CCDC7: variants seen among roughly 807,000 people sequenced by gnomAD.
CCDC7 encodes the protein coiled-coil domain-containing protein 7.
Under a neutral mutation model 196.9 loss-of-function variants are expected in CCDC7, and 183 were observed. That is an observed-to-expected ratio of 0.93 (90% CI 0.82 to 1.05). The LOEUF is 1.05. Among genes scored for constraint, CCDC7 ranks in the 50% least tolerant of loss-of-function variants. The probability of loss-of-function intolerance (pLI) is 0.00; values close to 1 mark genes in which losing one functional copy is unlikely to be tolerated. For synonymous variants in CCDC7, 525 were observed against 484.6 expected (o/e 1.08, Z -1.10); for missense variants, 1,540 against 1,482.2 (o/e 1.04, Z -0.64).
chr10:32,709,412 A>G (rs1420510203), intron 24 of CCDC7, among the ~76,000 whole-genome samples: 1 of 152,166 alleles, frequency 6.6e-6, no homozygotes, highest in African/African-American at 2.4e-5. Flanking sequence ...TGGCACATGT[A>G]TACATATGTA....
chr10:32,815,007 A>G (rs1484070251), intron 31 of CCDC7, among the ~76,000 whole-genome samples: 4 of 152,140 alleles, frequency 2.6e-5, no homozygotes, highest in Non-Finnish European at 5.9e-5. Context: ...TGTAGAGGAA[A>G]GAGACTTTAG....
chr10:32,473,892 CAAT>C, intron 7 of CCDC7, 72 bp from the exon 9 acceptor site: 1 of 1,329,514 alleles, frequency 7.5e-7, no homozygotes, highest in Admixed American at 2.7e-5. Flanking sequence ...AAAATTAAAA[CAAT>C]AAAATTTAAA....
At chr10:32,590,277 A>G (rs2059663491) in intron 18 of CCDC7, among the ~76,000 whole-genome samples, 1 of 152,108 alleles carries the variant, frequency 6.6e-6, no homozygotes, top group Non-Finnish European at 1.5e-5. Context: ...AAATCATATA[A>G]CCCATTATTT....
rs76684999 is a variant in CCDC7 at position 32,508,100 on chromosome 10, A to T, written c.873-9845A>T. Among the ~76,000 whole-genome samples, 1,307 of 152,316 alleles carry T rather than the reference A, an allele frequency of 8.6e-3. 28 individuals carry two copies. The highest frequency in any genetic ancestry group is 0.029 in the African/African-American group (1,206 of 41,562). ...AAGAAGTAAAATCATGTGTTTATAGATGACATGAGTTCATATATAGAAAAC... is the reference window on the plus strand; with the variant it reads ...AAGAAGTAAAATCATGTGTTTATAGTTGACATGAGTTCATATATAGAAAAC... On this transcript the variant is annotated intron_variant, in intron 9 of 41. Transcript: ENST00000639629.
intron 32 of CCDC7, among the ~76,000 whole-genome samples, chr10:32,825,094 A>G (rs7091645): frequency 0.98 from 149,896 of 152,316 alleles, 73,799 homozygotes; most frequent in Middle Eastern, 1. Context: ...TGGTGAAACA[A>G]TGACACACTT....
At chr10:32,714,812 C>T (rs144186858) in intron 25 of CCDC7, among the ~76,000 whole-genome samples, 36 of 152,224 alleles carry the variant, frequency 2.4e-4, no homozygotes, top group African/African-American at 6.5e-4. Flanking sequence ...CCCACCACGG[C>T]GCAGCAAAGC....
chr10:32,621,690 T>G (rs1165980930), intron 18 of CCDC7, among the ~76,000 whole-genome samples: 1 of 152,116 alleles, frequency 6.6e-6, no homozygotes, highest in Non-Finnish European at 1.5e-5. Flanking sequence ...GTTTAAGTCC[T>G]GGAATCTGAA....
chr10:32,539,702 A>T (rs934673784), intron 11 of CCDC7, among the ~76,000 whole-genome samples: 2 of 151,916 alleles, frequency 1.3e-5, no homozygotes, highest in Non-Finnish European at 2.9e-5. Flanking sequence ...AGATTTTCTG[A>T]TATGTTGTAT....
In CCDC7 at chr10:32,544,228, A is replaced by C. The variant is rs760008555; in HGVS notation, c.1080-19A>C. Reference sequence around the variant, plus strand: ...ATTTAAAAATATCATGATGCATTTTAAAACATTTTATGTTACAGGAAGATG... The same window carrying C: ...ATTTAAAAATATCATGATGCATTTTCAAACATTTTATGTTACAGGAAGATG... On this transcript the variant is annotated intron_variant, in intron 12 of 41. Coordinates refer to ENST00000639629, the Ensembl canonical transcript of CCDC7. 4.4e-6 allele frequency: 7 copies of C among 1,592,136 alleles called. No individual in the cohort carries two copies. The South Asian group carries it at 8.1e-5, about 18-fold the overall frequency.
intron 9 of CCDC7, 136 bp downstream of exon 10, chr10:32,492,133 A>T: frequency 1.2e-6 from 1 of 844,462 alleles, no homozygotes; most frequent in Non-Finnish European, 1.6e-6. Flanking sequence ...GAAAACATAA[A>T]GAAGAAAATA....
chr10:32,549,580 T>C lies in CCDC7; in HGVS notation c.1134+5279T>C, dbSNP rs538760655. On this transcript the variant is annotated intron_variant, in intron 13 of 41. Coordinates refer to ENST00000639629, the Ensembl canonical transcript of CCDC7. The stretch of plus-strand genomic sequence containing the variant: ...TTTAAGTCCTTAACCCACCTTAAGT[T>C]GATTTATGTATAAGGTGAGAGATGA... 2.0e-5 allele frequency among the ~76,000 whole-genome samples: 3 copies of C among 152,300 alleles called. 1 individual carries two copies. The Middle Eastern group carries it at 0.01, about 518-fold the overall frequency.
At chr10:32,853,857 C>T (rs773001237) in intron 40 of CCDC7, among the ~76,000 whole-genome samples, 4 of 151,956 alleles carry the variant, frequency 2.6e-5, no homozygotes, top group Non-Finnish European at 5.9e-5. Context: ...TTATCTATGA[C>T]CTTTCTAGTC....
At chr10:32,445,902 C>T (rs1044220059), upstream of CCDC7, among the ~76,000 whole-genome samples, 1 of 152,238 alleles carries the variant, frequency 6.6e-6, no homozygotes, top group African/African-American at 2.4e-5. Flanking sequence ...CTCCGCGGGC[C>T]TCTAGGCCAA....
At chr10:32,800,306 T>C (rs1159368206) in intron 29 of CCDC7, among the ~76,000 whole-genome samples, 1 of 152,184 alleles carries the variant, frequency 6.6e-6, no homozygotes, top group Non-Finnish European at 1.5e-5. Context: ...TGGCTTCCAT[T>C]TGGCCTTTCC....
chr10:32,551,178 T>A (rs1005688477), intron 13 of CCDC7, among the ~76,000 whole-genome samples: 1 of 152,176 alleles, frequency 6.6e-6, no homozygotes. Flanking sequence ...TTTTCTAGTT[T>A]ATGTGCATAA....
intron 18 of CCDC7, among the ~76,000 whole-genome samples, chr10:32,633,339 C>G (rs969156119): frequency 6.6e-6 from 1 of 152,150 alleles, no homozygotes; most frequent in Non-Finnish European, 1.5e-5. Context: ...TCCAGTTTAT[C>G]CTCTCAGGTC....
intron 28 of CCDC7, among the ~76,000 whole-genome samples, chr10:32,776,195 TG>T (rs1438793132): frequency 6.7e-6 from 1 of 149,630 alleles, no homozygotes; most frequent in East Asian, 2.0e-4. Flanking sequence ...GACGAGTTAG[TG>T]GGTGCAGCGC....
chr10:32,845,796 T>C (rs181166524), intron 35 of CCDC7, 80 bp from the exon 37 acceptor site: 3,701 of 351,294 alleles, frequency 0.011, 2 homozygotes, highest in East Asian at 0.027. Flanking sequence ...CACACACACA[T>C]ACACACACAC....
At chr10:32,811,345 G>A (rs1335064154) in intron 30 of CCDC7, among the ~76,000 whole-genome samples, 1 of 151,938 alleles carries the variant, frequency 6.6e-6, no homozygotes, top group Non-Finnish European at 1.5e-5. Context: ...AATTACAAAA[G>A]ATCATCAGAA....
Sources: gnomAD v4.1 joint callset for allele counts (sites outside exome capture counted in the v4.1 genomes callset) on GRCh38, gnomAD v4.1.1 for gene constraint, MANE v1.5 for transcripts, NCBI Gene and HGNC (gene_info 2026-07-23, HGNC 2026-07-21) for gene names.